GTF2E1: variants seen among roughly 807,000 people sequenced by gnomAD.
GTF2E1 encodes the protein general transcription factor IIE subunit 1.
Under a neutral mutation model 34.9 loss-of-function variants are expected in GTF2E1, and 14 were observed. The ratio of observed to expected loss-of-function variants is 0.40; its 90% CI spans 0.27 to 0.63. GTF2E1 has a LOEUF of 0.63. Ranked by LOEUF, GTF2E1 falls within the 20% of genes least tolerant of loss-of-function variation. The probability of loss-of-function intolerance (pLI) is 0.39; values close to 1 mark genes in which losing one functional copy is unlikely to be tolerated. For synonymous variants in GTF2E1, 188 were observed against 192.9 expected (o/e 0.97, Z 0.21); for missense variants, 469 against 557.7 (o/e 0.84, Z 1.60).
chr3:120,744,499 C>T (rs2107603348), intron 1 of GTF2E1, among the ~76,000 whole-genome samples: 1 of 152,316 alleles, frequency 6.6e-6, no homozygotes, highest in East Asian at 1.9e-4. Context: ...AAAGTGATTT[C>T]CTCATTTCTT....
At chr3:120,749,444 T>C (rs1576355594) in intron 1 of GTF2E1, among the ~76,000 whole-genome samples, 1 of 152,214 alleles carries the variant, frequency 6.6e-6, no homozygotes, top group African/African-American at 2.4e-5. Context: ...ACCTAACTTA[T>C]TGAGAGTTTT....
intron 2 of GTF2E1, among the ~76,000 whole-genome samples, chr3:120,764,803 T>G (rs1194528802): frequency 6.6e-6 from 1 of 152,166 alleles, no homozygotes; most frequent in Non-Finnish European, 1.5e-5. Flanking sequence ...TGGTTTTATT[T>G]GTATTTATTT....
chr3:120,777,498 C>G (rs547576444), intron 4 of GTF2E1, among the ~76,000 whole-genome samples: 2 of 152,280 alleles, frequency 1.3e-5, no homozygotes, highest in African/African-American at 4.8e-5. Flanking sequence ...AAAGAATAAT[C>G]AGTAGCTGAA....
Position 120,781,558 on chromosome 3 carries a change from G to T in GTF2E1, c.*88G>T, listed in dbSNP as rs1446557594. 4 of 1,005,208 alleles carry T rather than the reference G, an allele frequency of 4.0e-6. No homozygotes were observed. The highest frequency in any genetic ancestry group is 6.0e-6 in the Non-Finnish European group (4 of 671,308). The allele number at this position is 1,005,208 out of a possible 1,614,324, so 62.3% of individuals were successfully genotyped here. A position where few individuals can be genotyped will look rare whatever the true frequency, so the allele number is the denominator to read the frequency against. ...AAGAAAAGTATTTAAGTGGCTTTCT[G>T]CCCCTCTTGATGTAAGCAACTGTCC... On this transcript the variant is annotated 3_prime_UTR_variant, in exon 5 of 5. Coordinates refer to ENST00000283875, the MANE Select transcript of GTF2E1 (RefSeq NM_005513.3).
chr3:120,742,750 A>G lies in GTF2E1; in HGVS notation c.-75A>G. On this transcript the variant is annotated 5_prime_UTR_variant, in exon 1 of 5. Coordinates refer to ENST00000283875, the MANE Select transcript of GTF2E1 (RefSeq NM_005513.3). ...GTGGTTCATTTAAGCCGGTAGTTGAAGCGCTGGGGGCAGCTGTAGTGGGAG... is the reference window on the plus strand; with the variant it reads ...GTGGTTCATTTAAGCCGGTAGTTGAGGCGCTGGGGGCAGCTGTAGTGGGAG... 1 of 559,210 alleles carries G rather than the reference A, an allele frequency of 1.8e-6. No homozygotes were observed. The highest frequency in any genetic ancestry group is 3.2e-6 in the Non-Finnish European group (1 of 310,866). 34.6% of individuals were successfully genotyped at this position (559,210 alleles called of 1,614,324 possible).
intron 2 of GTF2E1, among the ~76,000 whole-genome samples, chr3:120,761,925 G>T (rs1458289989): frequency 6.6e-6 from 1 of 151,838 alleles, no homozygotes; most frequent in Non-Finnish European, 1.5e-5. Context: ...CAAGAAGCTG[G>T]GACTACAGGT....
chr3:120,758,046 G>C (rs1043373820), intron 2 of GTF2E1, among the ~76,000 whole-genome samples: 2 of 152,128 alleles, frequency 1.3e-5, no homozygotes, highest in Non-Finnish European at 2.9e-5. Context: ...TGTAGTTCCA[G>C]CTACTCCGGA....
Position 120,742,797 on chromosome 3 carries a change from A to G in GTF2E1, c.-31+3A>G. ...GGAGTGTTCCAGGATTCGCCTTGGT[A>G]AACCTTGTTCCCTGTTCCTTGTTCG... On this transcript the variant is annotated splice_donor_region_variant and intron_variant, in intron 1 of 4. Coordinates refer to ENST00000283875, the MANE Select transcript of GTF2E1 (RefSeq NM_005513.3). The G allele has an allele frequency of 4.1e-6, 2 of 484,422 alleles. No homozygotes were observed. Among genetic ancestry groups the G allele is most frequent in the Non-Finnish European group, 7.5e-6 (2 of 265,330 alleles). 30.0% of individuals were successfully genotyped at this position (484,422 alleles called of 1,614,324 possible).
chr3:120,761,403 T>G (rs1709262088), intron 2 of GTF2E1, among the ~76,000 whole-genome samples: 1 of 152,198 alleles, frequency 6.6e-6, no homozygotes, highest in African/African-American at 2.4e-5. Flanking sequence ...GGAAGGGTTT[T>G]TTGTGTCTTT....
At chr3:120,752,435 CTCTTGACCACAGTAGAAGG>C (rs1196119740) in intron 2 of GTF2E1, among the ~76,000 whole-genome samples, 1 of 152,210 alleles carries the variant, frequency 6.6e-6, no homozygotes, top group African/African-American at 2.4e-5. Flanking sequence ...GGCTTCATCA[CTCTTGACCACAGTAGAAGG>C]TGTTATCCAG....
intron 3 of GTF2E1, among the ~76,000 whole-genome samples, chr3:120,773,270 T>G (rs1709367603): frequency 6.6e-6 from 1 of 152,154 alleles, no homozygotes; most frequent in Non-Finnish European, 1.5e-5. Context: ...CTTTCTGTAC[T>G]ATAGGAGTAT....
At chr3:120,775,997 G>A (rs1709395595) in intron 3 of GTF2E1, among the ~76,000 whole-genome samples, 1 of 152,154 alleles carries the variant, frequency 6.6e-6, no homozygotes. Context: ...GTTCTGGGTT[G>A]AGCTGAGATA....
In GTF2E1 at chr3:120,743,380, C is replaced by T. The variant is rs1056227243; in HGVS notation, c.-31+586C>T. On this transcript the variant is annotated intron_variant, in intron 1 of 4. Transcript: ENST00000283875. Reference sequence around the variant, plus strand: ...AATTTAAGAAGAGAGTGCCCAGTAGCCTGTCCGATTCTACCTTGGAAACAA... The same window carrying T: ...AATTTAAGAAGAGAGTGCCCAGTAGTCTGTCCGATTCTACCTTGGAAACAA... 2.0e-5 allele frequency among the ~76,000 whole-genome samples: 3 copies of T among 152,164 alleles called. No individual in the cohort carries two copies. In the South Asian group the frequency reaches 6.2e-4, roughly 31 times the overall value.
chr3:120,763,787 G>C (rs183641020), intron 2 of GTF2E1, among the ~76,000 whole-genome samples: 3 of 152,058 alleles, frequency 2.0e-5, no homozygotes, highest in Non-Finnish European at 4.4e-5. Flanking sequence ...CTTGGTTCCC[G>C]TGTAGACTAT....
intron 3 of GTF2E1, among the ~76,000 whole-genome samples, chr3:120,773,924 ATTTAT>A (rs1709376961): frequency 6.6e-6 from 1 of 152,202 alleles, no homozygotes; most frequent in Non-Finnish European, 1.5e-5. Flanking sequence ...TTGTGTTAAC[ATTTAT>A]TTTAATTCTG....
Position 120,758,014 on chromosome 3 carries a change from G to A in GTF2E1, c.448+7014G>A, listed in dbSNP as rs1173904476. On this transcript the variant is annotated intron_variant, in intron 2 of 4. Coordinates refer to ENST00000283875, the MANE Select transcript of GTF2E1 (RefSeq NM_005513.3). ...CCCATCTCTACTAAATATACAAAAA[G>A]CCAGGTGTGGTGGCGCACACCTGTA... Among the ~76,000 whole-genome samples the A allele has an allele frequency of 1.3e-5, 2 of 152,078 alleles. 1 individual carries two copies. Among genetic ancestry groups the A allele is most frequent in the Middle Eastern group, 6.3e-3 (2 of 316 alleles).
At chr3:120,749,385 TG>T in intron 1 of GTF2E1, among the ~76,000 whole-genome samples, 1 of 152,336 alleles carries the variant, frequency 6.6e-6, no homozygotes, top group East Asian at 1.9e-4. Flanking sequence ...ATATTGGCTG[TG>T]GGTTTGTCAT....
At chr3:120,772,295 C>G (rs1247725648) in intron 3 of GTF2E1, among the ~76,000 whole-genome samples, 1 of 152,114 alleles carries the variant, frequency 6.6e-6, no homozygotes, top group Non-Finnish European at 1.5e-5. Flanking sequence ...AATGAGATCA[C>G]ATGACTGGTA....
rs754720741 is a variant in GTF2E1, at chr3:120,750,827, A to G, written c.275A>G (p.Tyr92Cys). The G allele has an allele frequency of 1.2e-6, 2 of 1,613,962 alleles. No homozygotes were observed. The highest frequency in any genetic ancestry group is 1.7e-6 in the Non-Finnish European group (2 of 1,179,878). ...ADGKTTRHNY[Y>C]FINYRTLVNV... The stretch of plus-strand genomic sequence containing the variant: ...GGGAAAACCACTCGCCATAACTACT[A>G]CTTCATCAATTATCGTACTCTTGTT... Residue 92 changes from tyrosine (Y) to cysteine (C), a missense_variant, in exon 2 of 5, where the codon TAC becomes TGC. Transcript: ENST00000283875.
Sources: gnomAD v4.1 joint callset for allele counts (sites outside exome capture counted in the v4.1 genomes callset) on GRCh38, gnomAD v4.1.1 for gene constraint, MANE v1.5 for transcripts, NCBI Gene and HGNC (gene_info 2026-07-23, HGNC 2026-07-21) for gene names.